The following CACUL1 variants were observed in gnomAD, a reference collection of about 807,000 sequenced individuals.
CACUL1 encodes CDK2 associated cullin domain 1, also known as CDK2-associated and cullin domain-containing protein 1.
CACUL1 carries 13 observed loss-of-function variants against 45.2 expected under a neutral mutation model. That is an observed-to-expected ratio of 0.29 (90% CI 0.19 to 0.46). The LOEUF (loss-of-function observed/expected upper bound fraction) is 0.46. Ranked by LOEUF, CACUL1 falls within the 20% of genes least tolerant of loss-of-function variation. The pLI is 1.00. For missense variants in CACUL1, 421 were observed against 471.4 expected (o/e 0.89, Z 0.99); for synonymous variants, 197 against 174.2 (o/e 1.13, Z -1.03).
At chr10:118,688,916 AC>A (rs2119544474) in intron 7 of CACUL1, among the ~76,000 whole-genome samples, 1 of 152,354 alleles carries the variant, frequency 6.6e-6, no homozygotes, top group East Asian at 1.9e-4. Flanking sequence ...TTATTTTAAA[AC>A]AATTCAAAGA....
intron 3 of CACUL1, among the ~76,000 whole-genome samples, chr10:118,728,051 C>T (rs1845667275): frequency 6.6e-6 from 1 of 152,116 alleles, no homozygotes; most frequent in African/African-American, 2.4e-5. Flanking sequence ...GAAATTTATA[C>T]TAACAACAAG....
intron 3 of CACUL1, chr10:118,726,292 C>A (rs1487253365): frequency 2.3e-6 from 3 of 1,279,174 alleles, no homozygotes. Context: ...CTAGAGAGCA[C>A]AGGAGTAGTG....
chr10:118,740,920 C>A, intron 1 of CACUL1, among the ~76,000 whole-genome samples: 3 of 140,620 alleles, frequency 2.1e-5, no homozygotes, highest in African/African-American at 2.6e-5. Context: ...TGTGAGATTC[C>A]ATCTCAAAAA....
rs564610100 is a variant in CACUL1, at chr10:118,735,400, G to GAGC, written c.368-4993_368-4991dup. Among the ~76,000 whole-genome samples, 22 of 152,298 alleles carry GAGC rather than the reference G, an allele frequency of 1.4e-4. No individual in the cohort carries two copies. The South Asian group carries it at 4.3e-3, about 30-fold the overall frequency. On this transcript the variant is annotated intron_variant, in intron 1 of 8. Transcript: ENST00000369151. The stretch of plus-strand genomic sequence containing the variant: ...CAGTGCCTCAAAAGTGTGAGATCCA[G>GAGC]AGCAGCAGCAGCAGCATCACCTGGA...
chr10:118,726,341 C>G (rs1845651261), intron 3 of CACUL1: 3 of 1,287,548 alleles, frequency 2.3e-6, no homozygotes, highest in Non-Finnish European at 3.0e-6. Flanking sequence ...TCCATTAGTA[C>G]AGGTCACATT....
intron 1 of CACUL1, among the ~76,000 whole-genome samples, chr10:118,740,958 T>C (rs1206349526): frequency 1.3e-5 from 2 of 149,490 alleles, no homozygotes; most frequent in Admixed American, 6.6e-5. Flanking sequence ...ACTGTGATAG[T>C]AAAAAAATTA....
chr10:118,753,458 A>G (rs1845917330), intron 1 of CACUL1, among the ~76,000 whole-genome samples: 1 of 152,346 alleles, frequency 6.6e-6, no homozygotes, highest in Admixed American at 6.5e-5. Flanking sequence ...GCAGTTAATA[A>G]TAGGAGAGAA....
chr10:118,752,217 A>G (rs538162039), intron 1 of CACUL1, among the ~76,000 whole-genome samples: 1 of 152,310 alleles, frequency 6.6e-6, no homozygotes, highest in Non-Finnish European at 1.5e-5. Flanking sequence ...TAGTAATGAC[A>G]GGAGCATCCT....
At position 118,696,039 on chromosome 10, in the gene CACUL1, T is replaced by C. The variant is rs945856056; in HGVS notation, c.797-809A>G. ...CATCACATATAAACTGATTTTGTTCTGTTCATGCCTTTCTAAAAAGAGAAA... is the reference window on the plus strand; with the variant it reads ...CATCACATATAAACTGATTTTGTTCCGTTCATGCCTTTCTAAAAAGAGAAA... On this transcript the variant is annotated intron_variant, in intron 5 of 8. Coordinates refer to ENST00000369151, the MANE Select transcript of CACUL1 (RefSeq NM_153810.5). 4.6e-5 allele frequency among the ~76,000 whole-genome samples: 7 copies of C among 152,256 alleles called. No homozygotes were observed. In the South Asian group the frequency reaches 6.2e-4, roughly 13 times the overall value.
intron 3 of CACUL1, among the ~76,000 whole-genome samples, chr10:118,714,534 G>T (rs7089379): frequency 0.78 from 118,114 of 152,148 alleles, 45,932 homozygotes; most frequent in Middle Eastern, 0.82. Context: ...TCATTTTCCT[G>T]GAAGTGACAA....
chr10:118,689,329 C>T (rs1239681245), intron 7 of CACUL1, among the ~76,000 whole-genome samples: 4 of 151,994 alleles, frequency 2.6e-5, no homozygotes, highest in East Asian at 1.9e-4. Flanking sequence ...TCCACTTTGG[C>T]GGACTTACTC....
At chr10:118,734,840 G>C (rs900483725) in intron 1 of CACUL1, among the ~76,000 whole-genome samples, 3 of 152,124 alleles carry the variant, frequency 2.0e-5, no homozygotes, top group Admixed American at 2.0e-4. Flanking sequence ...AAGATAAAAT[G>C]AAACAAAGTC....
intron 3 of CACUL1, among the ~76,000 whole-genome samples, chr10:118,715,573 T>G (rs762290479): frequency 1.6e-4 from 24 of 152,200 alleles, no homozygotes; most frequent in Non-Finnish European, 2.9e-4. Flanking sequence ...ATATGATTAA[T>G]TAAACTAAGG....
At chr10:118,725,196 G>T (rs1210431448) in intron 3 of CACUL1, among the ~76,000 whole-genome samples, 3 of 152,156 alleles carry the variant, frequency 2.0e-5, no homozygotes, top group African/African-American at 7.2e-5. Context: ...AGCCGGGAGT[G>T]GTGTCCCATG....
intron 3 of CACUL1, among the ~76,000 whole-genome samples, chr10:118,721,637 A>C (rs1845601619): frequency 6.6e-6 from 1 of 152,158 alleles, no homozygotes; most frequent in African/African-American, 2.4e-5. Flanking sequence ...TATCGGCGCT[A>C]ATCTTCCCAC....
intron 1 of CACUL1, among the ~76,000 whole-genome samples, chr10:118,746,111 C>G (rs1305799082): frequency 6.9e-6 from 1 of 145,886 alleles, no homozygotes; most frequent in Non-Finnish European, 1.5e-5. Flanking sequence ...GAGATCGCAC[C>G]ACTGCACTCC....
rs1015653261 is a variant in CACUL1, at chr10:118,691,529, T to C, written c.887-126A>G. ...TAAGCAGGGGAAAAAATTAGTGCAA[T>C]CCCATTCTGGTAAAGAACATACAAA... On this transcript the variant is annotated intron_variant, in intron 6 of 8. Coordinates refer to ENST00000369151, the MANE Select transcript of CACUL1 (RefSeq NM_153810.5). 19 of 803,540 alleles carry C rather than the reference T, an allele frequency of 2.4e-5. No homozygotes were observed. In the Admixed American group the frequency reaches 4.5e-4, roughly 19 times the overall value. 49.8% of individuals were successfully genotyped at this position (803,540 alleles called of 1,614,324 possible).
chr10:118,719,236 A>G (rs1845578281), intron 3 of CACUL1, among the ~76,000 whole-genome samples: 1 of 152,222 alleles, frequency 6.6e-6, no homozygotes, highest in Non-Finnish European at 1.5e-5. Context: ...TTATTCCTAT[A>G]ATAAGTACAA....
intron 3 of CACUL1, among the ~76,000 whole-genome samples, chr10:118,720,445 CCTTTT>C (rs766224532): frequency 7.7e-4 from 118 of 152,266 alleles, no homozygotes; most frequent in Non-Finnish European, 1.0e-3. Context: ...AAACCTTTTT[CCTTTT>C]CTTTTCTAAC....
Sources: allele counts gnomAD v4.1 joint callset (sites outside exome capture counted in the v4.1 genomes callset), GRCh38; gene constraint gnomAD v4.1.1; transcripts MANE v1.5; gene names NCBI Gene and HGNC (gene_info 2026-07-23, HGNC 2026-07-21).